TXNDC15: variants seen among roughly 807,000 people sequenced by gnomAD.
TXNDC15 encodes the protein thioredoxin domain-containing protein 15.
In TXNDC15, 24 loss-of-function variants were observed where a neutral mutation model predicts 35.0. The observed-to-expected ratio is 0.68, with a 90% CI of 0.50 to 0.96. The LOEUF (loss-of-function observed/expected upper bound fraction) is 0.96, where lower values mean the gene tolerates loss of function less well. TXNDC15 is among the 40% of genes least tolerant of loss of function. TXNDC15 has a pLI of 0.00. For synonymous variants in TXNDC15, 169 were observed against 174.0 expected, an observed-to-expected ratio of 0.97 and a Z score of 0.23; for missense variants, 385 against 453.3, an observed-to-expected ratio of 0.85 and a Z score of 1.37.
intron 1 of TXNDC15, among the ~76,000 whole-genome samples, chr5:134,882,621 C>T (rs969176463): frequency 3.3e-5 from 5 of 152,242 alleles, no homozygotes; most frequent in African/African-American, 9.6e-5. Context: ...GCGGATCACT[C>T]GCGGTTAGGA....
rs781255180 is a variant in TXNDC15 at position 134,887,741 on chromosome 5, C to T, written c.150C>T (p.His50=). 2.7e-5 allele frequency: 43 copies of T among 1,610,180 alleles called. No homozygotes were observed. Among genetic ancestry groups the T allele is most frequent in the Non-Finnish European group, 3.2e-5 (38 of 1,177,122 alleles). ...GRLWSEEQPA[H]PLQVGAVYLG... Reference sequence around the variant, plus strand: ...TATGGTCAGAGGAGCAGCCTGCTCACCCTCTCCAGGTGGGGGCTGTGTACC... The same window carrying T: ...TATGGTCAGAGGAGCAGCCTGCTCATCCTCTCCAGGTGGGGGCTGTGTACC... The change falls in exon 2 of 5, where the codon CAC becomes CAT. Residue 50 remains histidine, a synonymous_variant. Coordinates refer to ENST00000358387, the MANE Select transcript of TXNDC15 (RefSeq NM_024715.4).
intron 1 of TXNDC15, among the ~76,000 whole-genome samples, chr5:134,882,652 A>G: frequency 6.6e-6 from 1 of 152,254 alleles, no homozygotes; most frequent in Non-Finnish European, 1.5e-5. Flanking sequence ...AGCCCGGCCA[A>G]CACAGCGAAA....
intron 1 of TXNDC15, among the ~76,000 whole-genome samples, chr5:134,883,477 C>T (rs1167290621): frequency 6.7e-6 from 1 of 149,200 alleles, no homozygotes; most frequent in Non-Finnish European, 1.5e-5. Flanking sequence ...TGCAGTGGCT[C>T]ATGCCTGTAA....
At chr5:134,878,445 T>C (rs1041757961) in intron 1 of TXNDC15, among the ~76,000 whole-genome samples, 22 of 152,240 alleles carry the variant, frequency 1.4e-4, no homozygotes, top group African/African-American at 5.1e-4. Flanking sequence ...ATGGAAAGTA[T>C]GGATTGCTGT....
intron 2 of TXNDC15, chr5:134,892,289 C>T (rs1166725274): frequency 6.6e-6 from 1 of 152,166 alleles, no homozygotes; most frequent in Admixed American, 6.6e-5. Flanking sequence ...TGAGCCAACC[C>T]CAGCTAATTT....
At chr5:134,882,231 C>G (rs1302669087) in intron 1 of TXNDC15, among the ~76,000 whole-genome samples, 1 of 151,524 alleles carries the variant, frequency 6.6e-6, no homozygotes, top group Admixed American at 6.6e-5. Context: ...GCGCTCCCCA[C>G]ATCTCAGACG....
chr5:134,874,245 G>C (rs1270121629), upstream of TXNDC15: 1 of 567,372 alleles, frequency 1.8e-6, no homozygotes, highest in Non-Finnish European at 3.1e-6. Flanking sequence ...CTCCAGTCCA[G>C]CGCCGACGGC....
Position 134,896,356 on chromosome 5 carries a change from C to T in TXNDC15, c.818C>T (p.Pro273Leu). 1 of 1,613,934 alleles carries T rather than the reference C, an allele frequency of 6.2e-7. No individual in the cohort carries two copies. Among genetic ancestry groups the T allele is most frequent in the African/African-American group, 1.3e-5 (1 of 75,010 alleles). The change falls in exon 4 of 5, where the codon CCA (proline) becomes CTA (leucine). Residue 273 changes from proline to leucine, a missense_variant. Transcript: ENST00000358387. ...PNILLFQGAKPMARFNHTDRT... is the reference protein window; with the variant it reads ...PNILLFQGAKLMARFNHTDRT... The stretch of plus-strand genomic sequence containing the variant: ...ATTTTATTATTTCAAGGAGCTAAAC[C>T]AATGGCCAGATTTAATCATACAGAT...
intron 1 of TXNDC15, among the ~76,000 whole-genome samples, chr5:134,879,145 A>T (rs948434064): frequency 1.3e-5 from 2 of 152,092 alleles, no homozygotes; most frequent in African/African-American, 4.8e-5. Context: ...AAGGCATAAG[A>T]TTTTTTTGTT....
intron 2 of TXNDC15, among the ~76,000 whole-genome samples, chr5:134,888,942 G>T (rs907933485): frequency 6.6e-6 from 1 of 152,118 alleles, no homozygotes; most frequent in African/African-American, 2.4e-5. Flanking sequence ...GACAATTTCT[G>T]TGGGGTGGTT....
At chr5:134,894,416 G>A (rs1750450172) in intron 3 of TXNDC15, among the ~76,000 whole-genome samples, 1 of 145,468 alleles carries the variant, frequency 6.9e-6, no homozygotes, top group South Asian at 2.2e-4. Context: ...CACCCAGGCT[G>A]GAGTGCAATG....
At chr5:134,877,836 G>A (rs1473138274) in intron 1 of TXNDC15, among the ~76,000 whole-genome samples, 2 of 150,404 alleles carry the variant, frequency 1.3e-5, no homozygotes, top group African/African-American at 2.5e-5. Context: ...GCAATGGTGC[G>A]ATCTTGGCTC....
intron 3 of TXNDC15, among the ~76,000 whole-genome samples, chr5:134,894,574 G>T (rs1249904984): frequency 6.6e-6 from 1 of 152,016 alleles, no homozygotes; most frequent in Non-Finnish European, 1.5e-5. Flanking sequence ...TGTTGGCCAG[G>T]CTGGTCTCGA....
rs1274669820 is a variant in TXNDC15, at chr5:134,899,592, A to G, written c.990A>G (p.Leu330=). The change falls in exon 5 of 5, where the codon TTA becomes TTG. Residue 330 remains leucine, a synonymous_variant. Transcript: ENST00000358387. ...KSVDWLLVFS[L]FFLISFIMYA... ...TGGACTGGTTGCTTGTATTTTCCTTATTCTTTTTAATTAGTTTTATTATGT... is the reference window on the plus strand; with the variant it reads ...TGGACTGGTTGCTTGTATTTTCCTTGTTCTTTTTAATTAGTTTTATTATGT... The G allele has an allele frequency of 8.7e-6, 14 of 1,613,732 alleles. No homozygotes were observed. The highest frequency in any genetic ancestry group is 8.5e-6 in the Non-Finnish European group (10 of 1,179,958).
intron 1 of TXNDC15, among the ~76,000 whole-genome samples, chr5:134,876,910 C>T (rs1300502242): frequency 1.3e-5 from 2 of 152,092 alleles, no homozygotes; most frequent in Non-Finnish European, 2.9e-5. Flanking sequence ...AGTCAGCTAG[C>T]AAATTCTTAC....
At chr5:134,883,135 A>G (rs1204877548) in intron 1 of TXNDC15, among the ~76,000 whole-genome samples, 1 of 151,994 alleles carries the variant, frequency 6.6e-6, no homozygotes, top group Non-Finnish European at 1.5e-5. Context: ...GCAAAAATAC[A>G]AAATAATTAG....
At chr5:134,885,668 A>G (rs1260928769) in intron 1 of TXNDC15, among the ~76,000 whole-genome samples, 1 of 151,960 alleles carries the variant, frequency 6.6e-6, no homozygotes, top group African/African-American at 2.4e-5. Flanking sequence ...CATCTCCTCA[A>G]CTGGGAGAGT....
At chr5:134,877,500 AG>A (rs111391536) in intron 1 of TXNDC15, among the ~76,000 whole-genome samples, 2 of 152,344 alleles carry the variant, frequency 1.3e-5, no homozygotes, top group African/African-American at 4.8e-5. Context: ...AGACCAGTTT[AG>A]GTGGCTACAG....
chr5:134,893,566 T>C lies in TXNDC15; in HGVS notation c.666T>C (p.Phe222=). Residue 222 remains phenylalanine, a synonymous_variant, in exon 3 of 5, where the codon TTT becomes TTC. Coordinates refer to ENST00000358387, the MANE Select transcript of TXNDC15 (RefSeq NM_024715.4). ...TGTTTTACACCCCGTGGTGCCGCTT[T>C]TCTGCCAGTTTGGCCCCTCACTTTA... The part of the protein sequence containing the change: ...LVLFYTPWCR[F]SASLAPHFNS... 1 of 1,614,232 alleles carries C rather than the reference T, an allele frequency of 6.2e-7. No individual in the cohort carries two copies. The highest frequency in any genetic ancestry group is 8.5e-7 in the Non-Finnish European group (1 of 1,180,040).
Sources: gnomAD v4.1 joint callset for allele counts (sites outside exome capture counted in the v4.1 genomes callset) on GRCh38, gnomAD v4.1.1 for gene constraint, MANE v1.5 for transcripts, NCBI Gene and HGNC (gene_info 2026-07-23, HGNC 2026-07-21) for gene names.